The following MTUS2 variants were observed in gnomAD, a reference collection of about 807,000 sequenced individuals.
MTUS2 encodes microtubule-associated tumor suppressor candidate 2.
MTUS2 carries 40 observed loss-of-function variants against 114.1 expected under a neutral mutation model. The observed-to-expected ratio is 0.35, with a 90% confidence interval of 0.27 to 0.46. The LOEUF is 0.46. Among genes scored for constraint, MTUS2 ranks in the 20% least tolerant of loss-of-function variants. MTUS2 has a pLI of 1.00. For missense variants in MTUS2, 1,679 were observed against 1,705.4 expected, an observed-to-expected ratio of 0.98 and a Z score of 0.27; for synonymous variants, 688 against 672.0, an observed-to-expected ratio of 1.02 and a Z score of -0.37.
At chr13:29,016,239 C>T (rs1360402530) in intron 2 of MTUS2, among the ~76,000 whole-genome samples, 1 of 151,958 alleles carries the variant, frequency 6.6e-6, no homozygotes, top group East Asian at 1.9e-4. Context: ...GTAAGTAGTT[C>T]CACTTTGGAA....
chr13:29,423,351 A>C (rs1024234209), intron 8 of MTUS2, among the ~76,000 whole-genome samples: 10 of 152,220 alleles, frequency 6.6e-5, no homozygotes, highest in Non-Finnish European at 1.0e-4. Context: ...GTGGTACCTA[A>C]TTGTCATTGC....
At chr13:29,423,823 A>G (rs549678688) in intron 8 of MTUS2, among the ~76,000 whole-genome samples, 3 of 152,136 alleles carry the variant, frequency 2.0e-5, no homozygotes, top group African/African-American at 7.2e-5. Context: ...AATAAGTTCT[A>G]GTGTTGGATA....
chr13:29,473,571 T>C (rs1186076777), intron 9 of MTUS2, among the ~76,000 whole-genome samples: 1 of 152,216 alleles, frequency 6.6e-6, no homozygotes, highest in African/African-American at 2.4e-5. Context: ...TTATATATTA[T>C]ATATGTCGGA....
chr13:29,426,156 T>A (rs1174305333), intron 8 of MTUS2, among the ~76,000 whole-genome samples: 2 of 152,214 alleles, frequency 1.3e-5, no homozygotes, highest in Non-Finnish European at 2.9e-5. Context: ...GCTCAGGAGC[T>A]GTTTGCCTCC....
At chr13:29,494,181 G>A (rs920863901) in intron 12 of MTUS2, among the ~76,000 whole-genome samples, 7 of 152,230 alleles carry the variant, frequency 4.6e-5, no homozygotes, top group Non-Finnish European at 7.3e-5. Context: ...GGGAAATAAC[G>A]TGTGAAAAGT....
rs1284444985 is a variant in MTUS2 at position 29,024,933 on chromosome 13, C to G, written c.235C>G (p.His79Asp). The stretch of plus-strand genomic sequence containing the variant: ...CCGTACCCATTTCCATAAGGAATTT[C>G]ACCAACTTCAGGGCTTTGGGAAAGG... ...ENRTHFHKEF[H>D]QLQGFGKGSQ... Residue 79 changes from histidine to aspartate, a missense_variant, in exon 3 of 16, where the codon CAC (histidine) becomes GAC (aspartate). His to Asp is a moderately conservative substitution (Grantham distance 81, BLOSUM62 -1). This residue lies in a region of MTUS2 where 843 missense variants were observed against 770.8 expected (regional missense o/e 1.09). Transcript: ENST00000612955. 1.9e-6 allele frequency: 3 copies of G among 1,613,690 alleles called. No homozygotes were observed. Among genetic ancestry groups the G allele is most frequent in the Non-Finnish European group, 2.5e-6 (3 of 1,179,826 alleles).
intron 5 of MTUS2, among the ~76,000 whole-genome samples, chr13:29,111,459 C>G (rs1890881302): frequency 6.6e-6 from 1 of 152,048 alleles, no homozygotes; most frequent in Non-Finnish European, 1.5e-5. Context: ...TGAGGAGATG[C>G]AAGGAGGTGG....
chr13:29,269,168 A>G (rs1370228048), intron 5 of MTUS2, among the ~76,000 whole-genome samples: 1 of 152,196 alleles, frequency 6.6e-6, no homozygotes, highest in African/African-American at 2.4e-5. Flanking sequence ...TAGCTTAACA[A>G]CTGACAGTCA....
intron 6 of MTUS2, among the ~76,000 whole-genome samples, chr13:29,296,871 A>G (rs1593273536): frequency 6.6e-6 from 1 of 151,948 alleles, no homozygotes; most frequent in East Asian, 1.9e-4. Context: ...AATCATTTGC[A>G]ATTTTTTTCT....
intron 9 of MTUS2, among the ~76,000 whole-genome samples, chr13:29,452,427 A>G (rs1194484346): frequency 4.6e-5 from 7 of 152,028 alleles, no homozygotes; most frequent in Admixed American, 4.6e-4. Flanking sequence ...ATTATTTTTG[A>G]GACAGAGCCT....
At chr13:29,113,559 A>C (rs117279470) in intron 5 of MTUS2, among the ~76,000 whole-genome samples, 1 of 152,318 alleles carries the variant, frequency 6.6e-6, no homozygotes, top group Non-Finnish European at 1.5e-5. Context: ...GGCTGGCATA[A>C]CTGAGGAGCT....
At chr13:28,947,027 C>T (rs2138157016) in intron 2 of MTUS2, among the ~76,000 whole-genome samples, 1 of 152,304 alleles carries the variant, frequency 6.6e-6, no homozygotes, top group East Asian at 1.9e-4. Flanking sequence ...ACAAACATTA[C>T]AGCCCAGATG....
At chr13:29,179,032 ACTGTG>A (rs1157354451) in intron 5 of MTUS2, among the ~76,000 whole-genome samples, 1 of 152,170 alleles carries the variant, frequency 6.6e-6, no homozygotes, top group African/African-American at 2.4e-5. Context: ...GTTACAGAAA[ACTGTG>A]CTGTTGATTG....
chr13:28,936,850 G>A (rs1272729419), intron 2 of MTUS2, among the ~76,000 whole-genome samples: 1 of 152,190 alleles, frequency 6.6e-6, no homozygotes, highest in Non-Finnish European at 1.5e-5. Context: ...GTGTGCAGTG[G>A]GCAGGGGAAG....
intron 2 of MTUS2, among the ~76,000 whole-genome samples, chr13:28,902,365 G>A (rs1879696516): frequency 6.6e-6 from 1 of 152,092 alleles, no homozygotes; most frequent in Non-Finnish European, 1.5e-5. Flanking sequence ...TTGAATAAAA[G>A]TGGTGAGAGT....
intron 9 of MTUS2, among the ~76,000 whole-genome samples, chr13:29,458,110 G>A (rs1321514658): frequency 1.3e-5 from 2 of 152,078 alleles, no homozygotes; most frequent in African/African-American, 2.4e-5. Context: ...AGCATCTGTG[G>A]CCCATTTTCT....
intron 5 of MTUS2, among the ~76,000 whole-genome samples, chr13:29,221,748 T>C (rs1895917012): frequency 1.3e-5 from 2 of 152,160 alleles, no homozygotes; most frequent in African/African-American, 4.8e-5. Flanking sequence ...ATTCTTAAAG[T>C]TTTACTCCAG....
At chr13:29,003,882 G>T (rs895979057) in intron 2 of MTUS2, among the ~76,000 whole-genome samples, 2 of 152,266 alleles carry the variant, frequency 1.3e-5, no homozygotes, top group African/African-American at 4.8e-5. Flanking sequence ...GCTCACAGGT[G>T]CTGTCTCTCA....
intron 4 of MTUS2, among the ~76,000 whole-genome samples, chr13:29,057,120 T>C (rs1888170589): frequency 6.6e-6 from 1 of 151,828 alleles, no homozygotes; most frequent in Non-Finnish European, 1.5e-5. Context: ...GGTTTTGAGC[T>C]TAGTATTGAC....
Sources: allele counts gnomAD v4.1 joint callset (sites outside exome capture counted in the v4.1 genomes callset), GRCh38; gene constraint gnomAD v4.1.1; regional missense constraint gnomAD v4.1.1; transcripts MANE v1.5; gene names NCBI Gene and HGNC (gene_info 2026-07-23, HGNC 2026-07-21).